The following ITGB5 variants were observed in gnomAD, a reference collection of about 807,000 sequenced individuals.
ITGB5 encodes the protein integrin subunit beta 5.
Under a neutral mutation model 84.8 loss-of-function variants are expected in ITGB5, and 38 were observed. The observed-to-expected ratio is 0.45, with a 90% CI of 0.35 to 0.59. ITGB5 has a LOEUF of 0.59. Among genes scored for constraint, ITGB5 ranks in the 20% least tolerant of loss-of-function variants. The pLI, the probability that ITGB5 is intolerant of heterozygous loss-of-function variation, is 0.01. For synonymous variants in ITGB5, 393 were observed against 414.4 expected, an observed-to-expected ratio of 0.95 and a Z score of 0.63; for missense variants, 905 against 1,034.5, an observed-to-expected ratio of 0.87 and a Z score of 1.72.
chr3:124,837,789 C>T (rs780656950), intron 5 of ITGB5, among the ~76,000 whole-genome samples: 3 of 152,178 alleles, frequency 2.0e-5, no homozygotes, highest in Non-Finnish European at 4.4e-5. Context: ...AAAACCAGGA[C>T]AAAGAGCTCC....
intron 12 of ITGB5, among the ~76,000 whole-genome samples, chr3:124,768,539 A>G (rs1187739715): frequency 1.3e-5 from 2 of 152,234 alleles, no homozygotes; most frequent in African/African-American, 4.8e-5. Flanking sequence ...CACTGTGGTC[A>G]GGCCTCACCG....
chr3:124,848,241 G>A lies in ITGB5; in HGVS notation c.611+68C>T, dbSNP rs1329441287. On this transcript the variant is annotated intron_variant, in intron 4 of 14. Coordinates refer to ENST00000296181, the MANE Select transcript of ITGB5 (RefSeq NM_002213.5). ...ATGCCTTCCTTAATTCTTTCTTTGA[G>A]CTAAATTTTCCTGCTTCTCCATTCT... 18 of 1,568,182 alleles carry A rather than the reference G, an allele frequency of 1.1e-5. No individual in the cohort carries two copies. The East Asian group carries it at 1.4e-4, about 12-fold the overall frequency.
chr3:124,877,373 A>G lies in ITGB5; in HGVS notation c.71-3842T>C, dbSNP rs1177610385. Reference sequence around the variant, plus strand: ...AATGTCAGTCCCATTTTTTGGTCAAATCCCCGTACCTGTCAGCAATCACTA... The same window carrying G: ...AATGTCAGTCCCATTTTTTGGTCAAGTCCCCGTACCTGTCAGCAATCACTA... On this transcript the variant is annotated intron_variant, in intron 1 of 14. Coordinates refer to ENST00000296181, the MANE Select transcript of ITGB5 (RefSeq NM_002213.5). Among the ~76,000 whole-genome samples the G allele has an allele frequency of 3.3e-5, 5 of 152,196 alleles. No individual in the cohort carries two copies. The East Asian group carries it at 5.8e-4, about 18-fold the overall frequency.
At chr3:124,847,863 T>C (rs1276909604) in intron 4 of ITGB5, among the ~76,000 whole-genome samples, 2 of 152,226 alleles carry the variant, frequency 1.3e-5, no homozygotes, top group African/African-American at 4.8e-5. Flanking sequence ...AGGATTTTAA[T>C]CTAATTATGT....
intron 2 of ITGB5, among the ~76,000 whole-genome samples, chr3:124,870,800 G>C (rs1933984714): frequency 6.6e-6 from 1 of 151,082 alleles, no homozygotes; most frequent in African/African-American, 2.5e-5. Flanking sequence ...CAGATAAATA[G>C]ACAGATGGAT....
intron 9 of ITGB5, 33 bp from the exon 10 acceptor site, chr3:124,796,850 T>C (rs775258338): frequency 6.4e-7 from 1 of 1,557,848 alleles, no homozygotes; most frequent in Admixed American, 1.8e-5. Flanking sequence ...ATATCATGGC[T>C]GCGGCAAGCC....
chr3:124,806,600 A>AT (rs371932187), intron 9 of ITGB5, among the ~76,000 whole-genome samples: 10 of 150,190 alleles, frequency 6.7e-5, no homozygotes, highest in Non-Finnish European at 8.9e-5. Context: ...CTCCCAGCTA[A>AT]TTTTTTTTTG....
At position 124,796,545 on chromosome 3, in the gene ITGB5, C is replaced by T. The variant is rs975517150; in HGVS notation, c.1536G>A (p.Leu512=). 1.2e-6 allele frequency: 2 copies of T among 1,614,136 alleles called. No individual in the cohort carries two copies. The highest frequency in any genetic ancestry group is 1.7e-6 in the Non-Finnish European group (2 of 1,180,026). The change falls in exon 10 of 15, where the codon CTG becomes CTA. Residue 512 remains leucine (L), a synonymous_variant. Coordinates refer to ENST00000296181, the MANE Select transcript of ITGB5 (RefSeq NM_002213.5). ...DGENQSVYQN[L]CREAEGKPLC... ...GTGGCTTGCCCTCTGCCTCCCGGCACAGGTTCTGGTACACGCTCTGGTTCT... is the reference window on the plus strand; with the variant it reads ...GTGGCTTGCCCTCTGCCTCCCGGCATAGGTTCTGGTACACGCTCTGGTTCT...
At chr3:124,795,728 C>T (rs917491813) in intron 10 of ITGB5, among the ~76,000 whole-genome samples, 1 of 152,082 alleles carries the variant, frequency 6.6e-6, no homozygotes, top group Admixed American at 6.6e-5. Context: ...AGGTCAGAGT[C>T]AGAGAGATCT....
chr3:124,843,492 A>C (rs192545310), intron 4 of ITGB5, among the ~76,000 whole-genome samples: 120 of 152,362 alleles, frequency 7.9e-4, no homozygotes, highest in Admixed American at 2.5e-3. Context: ...TCACTCCCGC[A>C]AACAGCAATG....
intron 2 of ITGB5, among the ~76,000 whole-genome samples, chr3:124,870,245 C>A (rs948134840): frequency 1.3e-5 from 2 of 152,254 alleles, no homozygotes; most frequent in Admixed American, 1.3e-4. Flanking sequence ...TAGTTGGTAA[C>A]AGGCATGAAA....
chr3:124,796,948 A>G, intron 9 of ITGB5, 131 bp from the exon 10 acceptor site: 1 of 817,122 alleles, frequency 1.2e-6, no homozygotes. Context: ...TAGAACCACC[A>G]AGATGGCCGG....
At chr3:124,849,103 C>G (rs944479605) in intron 3 of ITGB5, among the ~76,000 whole-genome samples, 4 of 152,134 alleles carry the variant, frequency 2.6e-5, no homozygotes, top group Non-Finnish European at 4.4e-5. Context: ...TCTAAGGAAA[C>G]TCCTTAACAA....
intron 10 of ITGB5, among the ~76,000 whole-genome samples, chr3:124,785,127 C>G (rs191910315): frequency 4.6e-5 from 7 of 152,234 alleles, no homozygotes; most frequent in Admixed American, 4.6e-4. Context: ...GACTTTTGGC[C>G]CAAAATTTCA....
At chr3:124,808,032 G>A (rs964342596) in intron 9 of ITGB5, among the ~76,000 whole-genome samples, 1 of 149,802 alleles carries the variant, frequency 6.7e-6, no homozygotes, top group African/African-American at 2.5e-5. Flanking sequence ...TGAAGGCAGG[G>A]ATGGGAGAGG....
At chr3:124,763,851 C>T (rs1008822899) in intron 14 of ITGB5, 133 bp from the exon 15 acceptor site, 42 of 597,044 alleles carry the variant, frequency 7.0e-5, no homozygotes, top group Middle Eastern at 7.8e-4. Context: ...CAGGAGGAGA[C>T]GGCCGTGGGC....
In ITGB5 at chr3:124,848,558, C is replaced by G. The variant is rs756090550; in HGVS notation, c.362G>C (p.Gly121Ala). The change falls in exon 4 of 15, where the codon GGT (glycine) becomes GCT (alanine). Residue 121 changes from glycine (G) to alanine (A), a missense_variant and splice_region_variant. Gly to Ala is a moderately conservative substitution (Grantham distance 60). Around this residue, in one of 3 missense-constraint regions of ITGB5, gnomAD observed 656 missense variants for 734.7 expected, o/e 0.89. Transcript: ENST00000296181. Reference protein sequence around the residue: ...PQEIAVNLRPGDKTTFQLQVR... With the variant: ...PQEIAVNLRPADKTTFQLQVR... ...CTGTAGCTGGAAGGTGGTCTTGTCA[C>G]CTGCACCAACAGAGAGGCCACGTGT... The G allele has an allele frequency of 6.2e-7, 1 of 1,609,836 alleles. No homozygotes were observed. Among genetic ancestry groups the G allele is most frequent in the African/African-American group, 1.3e-5 (1 of 75,000 alleles).
At chr3:124,795,518 G>A (rs2064209859) in intron 10 of ITGB5, among the ~76,000 whole-genome samples, 1 of 151,950 alleles carries the variant, frequency 6.6e-6, no homozygotes, top group Admixed American at 6.6e-5. Context: ...ATTCTGGCAG[G>A]AAAAATAAGA....
chr3:124,891,593 CAAAAAAAAAA>C (rs59385283), upstream of ITGB5, among the ~76,000 whole-genome samples: 2 of 103,720 alleles, frequency 1.9e-5, no homozygotes, highest in African/African-American at 6.9e-5. Context: ...ATAACTGCCT[CAAAAAAAAAA>C]AAAAAAAAGG....
Sources: allele counts gnomAD v4.1 joint callset (sites outside exome capture counted in the v4.1 genomes callset), GRCh38; gene constraint gnomAD v4.1.1; regional missense constraint gnomAD v4.1.1; transcripts MANE v1.5; gene names NCBI Gene and HGNC (gene_info 2026-07-23, HGNC 2026-07-21).